The following DYNC2H1 variants were observed in gnomAD, a reference collection of about 807,000 sequenced individuals.
DYNC2H1 encodes the protein dynein cytoplasmic 2 heavy chain 1.
DYNC2H1 carries 410 observed loss-of-function variants against 570.0 expected under a neutral mutation model. The observed-to-expected ratio is 0.72, with a 90% confidence interval of 0.66 to 0.78. The LOEUF (loss-of-function observed/expected upper bound fraction) is 0.78. DYNC2H1 is among the 30% of genes least tolerant of loss of function. The probability of loss-of-function intolerance (pLI) is 0.00; values close to 1 mark genes in which losing one functional copy is unlikely to be tolerated. For missense variants in DYNC2H1, 4,865 were observed against 5,046.4 expected, an observed-to-expected ratio of 0.96 and a Z score of 1.09; for synonymous variants, 1,688 against 1,677.6, an observed-to-expected ratio of 1.01 and a Z score of -0.15.
intron 6 of DYNC2H1, among the ~76,000 whole-genome samples, chr11:103,118,976 T>G (rs570748669): frequency 6.6e-6 from 1 of 151,726 alleles, no homozygotes; most frequent in African/African-American, 2.4e-5. Context: ...AAATGGTGAT[T>G]TTCTAATTCT....
rs1026800127 is a variant in DYNC2H1 at position 103,319,374 on chromosome 11, T to G, written c.11726-1655T>G. Among the ~76,000 whole-genome samples, 1 of 152,160 alleles carries G rather than the reference T, an allele frequency of 6.6e-6. No homozygotes were observed. Among genetic ancestry groups the G allele is most frequent in the African/African-American group, 2.4e-5 (1 of 41,472 alleles). On this transcript the variant is annotated intron_variant, in intron 80 of 88. Coordinates refer to ENST00000375735, the MANE Select transcript of DYNC2H1 (RefSeq NM_001377.3). The surrounding 1 kb of genome is among the most constrained non-coding windows in gnomAD (Gnocchi z 4.3). ...AAAAAGGTCTAACTCTTGGGAACAATTGGTATTGAGAGTAATAGCCATGCG... is the reference window on the plus strand; with the variant it reads ...AAAAAGGTCTAACTCTTGGGAACAAGTGGTATTGAGAGTAATAGCCATGCG...
At chr11:103,423,515 AT>A (rs1285325030) in intron 84 of DYNC2H1, among the ~76,000 whole-genome samples, 1 of 151,762 alleles carries the variant, frequency 6.6e-6, no homozygotes, top group Admixed American at 6.6e-5. Flanking sequence ...CTTCACTAAA[AT>A]TTTTTAGTGA....
chr11:103,331,961 A>G (rs2671356), intron 82 of DYNC2H1, among the ~76,000 whole-genome samples: 104,429 of 151,620 alleles, frequency 0.69, 36,028 homozygotes, highest in East Asian at 0.78. Flanking sequence ...TCAGGAAGGT[A>G]AGGCAGGAGA....
intron 82 of DYNC2H1, among the ~76,000 whole-genome samples, chr11:103,338,790 T>C (rs1939289439): frequency 6.6e-6 from 1 of 151,898 alleles, no homozygotes; most frequent in African/African-American, 2.4e-5. Flanking sequence ...TGAGGTCACA[T>C]GTCTTCATCA....
chr11:103,298,774 A>G (rs1201131187), intron 75 of DYNC2H1, among the ~76,000 whole-genome samples: 3 of 152,158 alleles, frequency 2.0e-5, no homozygotes, highest in African/African-American at 7.2e-5. Context: ...CTCAAGCATC[A>G]TTCATATGGA....
chr11:103,390,662 T>A (rs1258166820), intron 83 of DYNC2H1, among the ~76,000 whole-genome samples: 1 of 152,250 alleles, frequency 6.6e-6, no homozygotes, highest in South Asian at 2.1e-4. Flanking sequence ...TGTTGAGTGC[T>A]TCCTTCAGGA....
At chr11:103,374,807 G>A (rs1460212482) in intron 83 of DYNC2H1, among the ~76,000 whole-genome samples, 1 of 152,164 alleles carries the variant, frequency 6.6e-6, no homozygotes, top group Admixed American at 6.5e-5. Context: ...AGGAAGCAGA[G>A]CATAAAAGTT....
chr11:103,176,089 A>C (rs1441725873), intron 36 of DYNC2H1, 146 bp from the exon 37 acceptor site: 30 of 543,668 alleles, frequency 5.5e-5, no homozygotes, highest in Non-Finnish European at 7.0e-5. Context: ...TAAGCTTGCC[A>C]ATTCATGTGA....
chr11:103,349,272 TATATA>T (rs1939918529), intron 82 of DYNC2H1, among the ~76,000 whole-genome samples: 1 of 152,184 alleles, frequency 6.6e-6, no homozygotes, highest in African/African-American at 2.4e-5. Context: ...TCAAATGTGA[TATATA>T]ATAGATATTA....
In DYNC2H1 at chr11:103,158,785, G is replaced by C. The variant is rs1321886906; in HGVS notation, c.4236G>C (p.Gln1412His). The change falls in exon 27 of 89, where the codon CAG becomes CAC. Residue 1412 changes from glutamine (Q) to histidine (H), a missense_variant. Gln to His is a conservative substitution (Grantham distance 24). Coordinates refer to ENST00000375735, the MANE Select transcript of DYNC2H1 (RefSeq NM_001377.3). ...LTILDQLQRC[Q>H]KSLNEFLEEK... ...TACTTGATCAGCTTCAAAGATGTCA[G>C]AAATCATTAAATGAATTTTTGGAGG... 1 of 1,487,618 alleles carries C rather than the reference G, an allele frequency of 6.7e-7. No individual in the cohort carries two copies. Among genetic ancestry groups the C allele is most frequent in the Non-Finnish European group, 9.0e-7 (1 of 1,106,042 alleles). The allele number at this position is 1,487,618 out of a possible 1,614,324, so 92.2% of individuals were successfully genotyped here. A position where few individuals can be genotyped will look rare whatever the true frequency, so the allele number is the denominator to read the frequency against.
At chr11:103,183,982 T>C (rs1861962421) in intron 40 of DYNC2H1, among the ~76,000 whole-genome samples, 1 of 152,018 alleles carries the variant, frequency 6.6e-6, no homozygotes, top group African/African-American at 2.4e-5. Context: ...TTTCTCTGAC[T>C]TAAAACACTG....
At chr11:103,207,680 A>G (rs1054766746) in intron 52 of DYNC2H1, among the ~76,000 whole-genome samples, 2 of 152,092 alleles carry the variant, frequency 1.3e-5, no homozygotes, top group Non-Finnish European at 2.9e-5. Flanking sequence ...ATGGAGTATG[A>G]TAGGATTCAC....
chr11:103,446,990 T>C lies in DYNC2H1; in HGVS notation c.12457-8196T>C, dbSNP rs595054. Among the ~76,000 whole-genome samples the C allele has an allele frequency of 0.36, 54,103 of 151,942 alleles. 10,221 individuals are homozygous for C. The highest frequency in any genetic ancestry group is 0.48 in the African/African-American group (19,791 of 41,432). On this transcript the variant is annotated intron_variant, in intron 85 of 88. Transcript: ENST00000375735. This position sits in a 1 kb window ranked among gnomAD's most constrained non-coding sequence, Gnocchi z 4.5. ...TAATTTTTAATAATCTTGTTTCCCA[T>C]AGTGGTTCAGGTTCTGCATGAACAC...
chr11:103,474,075 A>AT (rs1246629082), intron 88 of DYNC2H1: 56 of 242,072 alleles, frequency 2.3e-4, no homozygotes, highest in South Asian at 4.6e-4. Context: ...TTTGTATGTT[A>AT]TTTTTTTTCT....
chr11:103,374,339 C>T (rs747127378), intron 83 of DYNC2H1, among the ~76,000 whole-genome samples: 1 of 152,164 alleles, frequency 6.6e-6, no homozygotes, highest in Non-Finnish European at 1.5e-5. Context: ...CCTGCTGGCA[C>T]TTATTCTCTC....
chr11:103,132,174 T>G (rs1859313357), intron 13 of DYNC2H1, among the ~76,000 whole-genome samples: 1 of 152,100 alleles, frequency 6.6e-6, no homozygotes, highest in South Asian at 2.1e-4. Flanking sequence ...CCTCTGTTCA[T>G]TTTTCCCTTT....
chr11:103,288,773 C>T (rs1290167047), intron 75 of DYNC2H1, among the ~76,000 whole-genome samples: 20 of 147,916 alleles, frequency 1.4e-4, no homozygotes, highest in African/African-American at 2.7e-4. Context: ...CCCAGCTCCT[C>T]GGGAGGCTGA....
intron 59 of DYNC2H1, among the ~76,000 whole-genome samples, chr11:103,225,798 G>A (rs543693478): frequency 6.6e-6 from 1 of 152,216 alleles, no homozygotes; most frequent in South Asian, 2.1e-4. Context: ...AATGATGGTG[G>A]TATTGTGATG....
intron 87 of DYNC2H1, among the ~76,000 whole-genome samples, chr11:103,462,686 G>T (rs1409333853): frequency 6.6e-6 from 1 of 152,176 alleles, no homozygotes; most frequent in Non-Finnish European, 1.5e-5. Context: ...ATATTCAAAA[G>T]ATGCTGTTGA....
Sources: gnomAD v4.1 joint callset for allele counts (sites outside exome capture counted in the v4.1 genomes callset) on GRCh38, gnomAD v4.1.1 for gene constraint, Gnocchi (gnomAD v3.1) non-coding constraint, MANE v1.5 for transcripts, NCBI Gene and HGNC (gene_info 2026-07-23, HGNC 2026-07-21) for gene names.